Variants in GRM3 observed in about 807,000 individuals in gnomAD.
The protein encoded by GRM3 is glutamate metabotropic receptor 3.
In GRM3, 26 loss-of-function variants were observed where a neutral mutation model predicts 70.5. The observed-to-expected ratio is 0.37, with a 90% confidence interval of 0.27 to 0.51. The LOEUF is 0.51. GRM3 is among the 20% of genes least tolerant of loss of function. The pLI is 0.93. For synonymous variants in GRM3, 443 were observed against 434.9 expected (o/e 1.02, Z -0.23); for missense variants, 859 against 1,123.8 (o/e 0.76, Z 3.37).
intron 1 of GRM3, among the ~76,000 whole-genome samples, chr7:86,739,511 G>A (rs147201154): frequency 1.2e-4 from 18 of 152,234 alleles, no homozygotes; most frequent in African/African-American, 4.1e-4. Context: ...TACGTAGAAC[G>A]GCCTTACCTC....
chr7:86,708,707 C>A (rs532615065), intron 1 of GRM3, among the ~76,000 whole-genome samples: 1 of 152,144 alleles, frequency 6.6e-6, no homozygotes, highest in East Asian at 1.9e-4. Flanking sequence ...AGAAATTCAC[C>A]CAGAAGCAAA....
intron 3 of GRM3, among the ~76,000 whole-genome samples, chr7:86,829,524 T>C (rs2106305): frequency 0.2 from 31,157 of 152,178 alleles, 3,634 homozygotes; most frequent in Non-Finnish European, 0.27. Flanking sequence ...GATTCTTTCT[T>C]TCACTTGAAC....
intron 1 of GRM3, among the ~76,000 whole-genome samples, chr7:86,757,774 T>C (rs1175488489): frequency 6.6e-6 from 1 of 151,658 alleles, no homozygotes. Flanking sequence ...GTTTCCCTCA[T>C]GTGTTTTTTT....
intron 1 of GRM3, among the ~76,000 whole-genome samples, chr7:86,724,256 A>C (rs765293831): frequency 6.6e-6 from 1 of 152,142 alleles, no homozygotes; most frequent in African/African-American, 2.4e-5. Context: ...GATTCCCTTT[A>C]CAAACACGAC....
At position 86,644,409 on chromosome 7, in the gene GRM3, A is replaced by G; in HGVS notation, c.-604A>G. The G allele has an allele frequency of 3.0e-6, 1 of 333,418 alleles. No homozygotes were observed. Among genetic ancestry groups the G allele is most frequent in the South Asian group, 2.3e-5 (1 of 43,852 alleles). The allele number at this position is 333,418 out of a possible 1,614,324, so 20.7% of individuals were successfully genotyped here. A position where few individuals can be genotyped will look rare whatever the true frequency, so the allele number is the denominator to read the frequency against. The stretch of plus-strand genomic sequence containing the variant: ...AGTCCCAATTAGATGCGACGGCTTC[A>G]GCCTGGTCAAGGTGAAGGAAAGTTG... On this transcript the variant is annotated 5_prime_UTR_variant, in exon 1 of 6. Transcript: ENST00000361669.
At chr7:86,687,814 T>C (rs1291887478) in intron 1 of GRM3, among the ~76,000 whole-genome samples, 1 of 151,850 alleles carries the variant, frequency 6.6e-6, no homozygotes, top group Non-Finnish European at 1.5e-5. Context: ...AAGGGAATGA[T>C]GAAATTAAAT....
At chr7:86,780,418 C>T (rs1797017652) in intron 2 of GRM3, among the ~76,000 whole-genome samples, 1 of 152,188 alleles carries the variant, frequency 6.6e-6, no homozygotes, top group African/African-American at 2.4e-5. Context: ...AGCATTTCTT[C>T]TTGAGCAAAA....
intron 1 of GRM3, among the ~76,000 whole-genome samples, chr7:86,756,354 C>A (rs766435036): frequency 1.3e-5 from 2 of 152,152 alleles, no homozygotes; most frequent in Non-Finnish European, 2.9e-5. Flanking sequence ...GCTGGGATTA[C>A]AGACATGAGC....
intron 2 of GRM3, among the ~76,000 whole-genome samples, chr7:86,766,478 C>T (rs973977979): frequency 6.6e-6 from 1 of 151,306 alleles, no homozygotes; most frequent in Non-Finnish European, 1.5e-5. Flanking sequence ...AATATACATA[C>T]TCTTGCAATC....
intron 3 of GRM3, among the ~76,000 whole-genome samples, chr7:86,789,505 A>G (rs1797353865): frequency 6.6e-6 from 1 of 152,226 alleles, no homozygotes; most frequent in African/African-American, 2.4e-5. Context: ...GAGATGCACT[A>G]TGGAATATTT....
chr7:86,662,876 A>T (rs1363700824), intron 1 of GRM3, among the ~76,000 whole-genome samples: 1 of 151,684 alleles, frequency 6.6e-6, no homozygotes, highest in East Asian at 1.9e-4. Context: ...ATGAATTTTT[A>T]AAATGAACTT....
chr7:86,644,584 C>T lies in GRM3; in HGVS notation c.-429C>T. 1 of 411,896 alleles carries T rather than the reference C, an allele frequency of 2.4e-6. No homozygotes were observed. The highest frequency in any genetic ancestry group is 4.9e-6 in the Non-Finnish European group (1 of 205,312). 25.5% of individuals were successfully genotyped at this position (411,896 alleles called of 1,614,324 possible). On this transcript the variant is annotated 5_prime_UTR_variant, in exon 1 of 6. Coordinates refer to ENST00000361669, the MANE Select transcript of GRM3 (RefSeq NM_000840.3). Reference sequence around the variant, plus strand: ...TCTACTCCACCCCTCCGTTTTCCCACTCCCCACTGACTCGGATGCCTGGAT... The same window carrying T: ...TCTACTCCACCCCTCCGTTTTCCCATTCCCCACTGACTCGGATGCCTGGAT...
chr7:86,766,543 G>A (rs976642127), intron 2 of GRM3, among the ~76,000 whole-genome samples: 1 of 152,042 alleles, frequency 6.6e-6, no homozygotes, highest in African/African-American at 2.4e-5. Flanking sequence ...AAATCATCTA[G>A]CTTAACTTCA....
chr7:86,659,188 C>G (rs927783437), intron 1 of GRM3, among the ~76,000 whole-genome samples: 3 of 152,068 alleles, frequency 2.0e-5, no homozygotes, highest in Admixed American at 6.6e-5. Context: ...TAAATAACAC[C>G]CCAAGGTATT....
intron 1 of GRM3, among the ~76,000 whole-genome samples, chr7:86,672,384 A>G (rs1037010459): frequency 5.3e-5 from 8 of 152,194 alleles, no homozygotes; most frequent in Middle Eastern, 3.2e-3. Flanking sequence ...ATAAAAGTCT[A>G]TCTTGTCAGG....
chr7:86,838,974 C>T lies in GRM3; in HGVS notation c.1460C>T (p.Ala487Val), dbSNP rs2116734935. Reference sequence around the variant, plus strand: ...TCCTACTTGAAAGTTGGTCACTGGGCAGAAACCTTATCGCTAGATGTCAAC... The same window carrying T: ...TCCTACTTGAAAGTTGGTCACTGGGTAGAAACCTTATCGCTAGATGTCAAC... The part of the protein sequence containing the change: ...KYSYLKVGHW[A>V]ETLSLDVNSI... Residue 487 changes from alanine (A) to valine (V), a missense_variant, in exon 4 of 6, where the codon GCA becomes GTA. By Grantham distance (64) the Ala-to-Val change is moderately conservative. Transcript: ENST00000361669. 6.2e-7 allele frequency: 1 copy of T among 1,613,992 alleles called. No homozygotes were observed. The highest frequency in any genetic ancestry group is 8.5e-7 in the Non-Finnish European group (1 of 1,179,890).
intron 2 of GRM3, among the ~76,000 whole-genome samples, chr7:86,772,703 A>G (rs887843084): frequency 6.6e-6 from 1 of 152,128 alleles, no homozygotes; most frequent in East Asian, 1.9e-4. Flanking sequence ...ATGCAAAGGC[A>G]AAGAGAACAT....
intron 1 of GRM3, among the ~76,000 whole-genome samples, chr7:86,737,193 C>T (rs1046183176): frequency 2.0e-5 from 3 of 152,154 alleles, no homozygotes; most frequent in African/African-American, 7.2e-5. Flanking sequence ...GGTCTGAATC[C>T]TCACTATGTC....
intron 3 of GRM3, among the ~76,000 whole-genome samples, chr7:86,802,812 A>G (rs1409261547): frequency 2.0e-5 from 3 of 152,132 alleles, no homozygotes; most frequent in Non-Finnish European, 2.9e-5. Flanking sequence ...GGGTTTGTTT[A>G]ATGTGTTTAA....
Sources: gnomAD v4.1 joint callset for allele counts (sites outside exome capture counted in the v4.1 genomes callset) on GRCh38, gnomAD v4.1.1 for gene constraint, MANE v1.5 for transcripts, NCBI Gene and HGNC (gene_info 2026-07-23, HGNC 2026-07-21) for gene names.